Variants in POT1 observed in about 807,000 individuals in gnomAD.
POT1 encodes the protein protection of telomeres protein 1.
In POT1, 47 loss-of-function variants were observed where a neutral mutation model predicts 78.5. The ratio of observed to expected loss-of-function variants is 0.60; its 90% CI spans 0.47 to 0.76. The LOEUF is 0.76. POT1 is among the 30% of genes least tolerant of loss of function. The pLI, the probability that POT1 is intolerant of heterozygous loss-of-function variation, is 0.00. For missense variants in POT1, 646 were observed against 749.9 expected (o/e 0.86, Z 1.62); for synonymous variants, 259 against 260.7 (o/e 0.99, Z 0.06).
At chr7:124,902,547 A>G (rs940525671) in intron 3 of POT1, among the ~76,000 whole-genome samples, 8 of 152,210 alleles carry the variant, frequency 5.3e-5, no homozygotes, top group Non-Finnish European at 1.2e-4. Context: ...GAAAGGAACA[A>G]TTGGTACCAG....
chr7:124,902,789 T>G (rs1217097417), intron 3 of POT1, among the ~76,000 whole-genome samples: 1 of 152,056 alleles, frequency 6.6e-6, no homozygotes, highest in Non-Finnish European at 1.5e-5. Context: ...CCATCTCACA[T>G]GCAGAGACAA....
intron 8 of POT1, among the ~76,000 whole-genome samples, chr7:124,860,952 C>T (rs1413505321): frequency 6.6e-6 from 1 of 152,106 alleles, no homozygotes; most frequent in Non-Finnish European, 1.5e-5. Flanking sequence ...CTTTCTTTGG[C>T]TGCATAGTAT....
intron 3 of POT1, among the ~76,000 whole-genome samples, chr7:124,906,633 G>A (rs1796772760): frequency 6.6e-6 from 1 of 151,892 alleles, no homozygotes; most frequent in African/African-American, 2.4e-5. Flanking sequence ...GAACTTAAAA[G>A]TATAATAAAA....
intron 4 of POT1, 28 bp from the exon 5 acceptor site, chr7:124,897,240 T>C: frequency 9.3e-7 from 1 of 1,071,424 alleles, no homozygotes; most frequent in Non-Finnish European, 1.4e-6. Flanking sequence ...AGAACTTATT[T>C]GTATACAGAT....
At chr7:124,868,634 A>C (rs1018416742) in intron 7 of POT1, among the ~76,000 whole-genome samples, 3 of 151,340 alleles carry the variant, frequency 2.0e-5, no homozygotes, top group African/African-American at 4.8e-5. Flanking sequence ...AAAAAAGGTA[A>C]CTATTAAATG....
In POT1 at chr7:124,840,977, T is replaced by TATCA; in HGVS notation, c.1361_1364dup (p.Glu456AspfsTer8). The TATCA allele has an allele frequency of 6.3e-7, 1 of 1,591,682 alleles. No individual in the cohort carries two copies. Among genetic ancestry groups the TATCA allele is most frequent in the Non-Finnish European group, 8.6e-7 (1 of 1,161,464 alleles). The stretch of plus-strand genomic sequence containing the variant: ...ACAGTGACTTAAATATCTTACCTTC[T>TATCA]ATCAAAAGTAGACATTCATTTGAAA... On this transcript the variant is annotated frameshift_variant, in exon 14 of 19. Transcript: ENST00000357628. LOFTEE classifies it high-confidence loss of function.
chr7:124,861,884 T>G (rs1401857733), intron 8 of POT1, among the ~76,000 whole-genome samples: 13 of 152,194 alleles, frequency 8.5e-5, no homozygotes, highest in Admixed American at 8.5e-4. Flanking sequence ...TGCTTGTTTT[T>G]GTCAGGTTTG....
At chr7:124,870,767 T>C (rs1795847914) in intron 7 of POT1, 144 bp downstream of exon 7, 1 of 527,128 alleles carries the variant, frequency 1.9e-6, no homozygotes, top group Non-Finnish European at 2.9e-6. Context: ...TGAAGTCTGA[T>C]AATATTTACA....
At position 124,825,920 on chromosome 7, in the gene POT1, T is replaced by C. The variant is rs556313393; in HGVS notation, c.1687-563A>G. On this transcript the variant is annotated intron_variant, in intron 17 of 18. Coordinates refer to ENST00000357628, the MANE Select transcript of POT1 (RefSeq NM_015450.3). ...TAACTCAGATCTTTTCCAATCCATG[T>C]AGTAAACATTTTAACTTTACCCTAA... 1.4e-4 allele frequency among the ~76,000 whole-genome samples: 21 copies of C among 152,296 alleles called. 1 individual carries two copies. In the South Asian group the frequency reaches 3.9e-3, roughly 29 times the overall value.
At position 124,822,597 on chromosome 7, in the gene POT1, A is replaced by C; in HGVS notation, c.*1365T>G. The C allele has an allele frequency of 2.2e-6, 1 of 451,184 alleles. No individual in the cohort carries two copies. Among genetic ancestry groups the C allele is most frequent in the African/African-American group, 2.0e-5 (1 of 50,140 alleles). The allele number at this position is 451,184 out of a possible 1,614,324, so 27.9% of individuals were successfully genotyped here. On this transcript the variant is annotated 3_prime_UTR_variant, in exon 19 of 19. Transcript: ENST00000357628. Reference sequence around the variant, plus strand: ...TATTTCACCTTTGTATCCTGAGCACATCATCAACACGGAAACACACCTGTT... The same window carrying C: ...TATTTCACCTTTGTATCCTGAGCACCTCATCAACACGGAAACACACCTGTT...
In POT1 at chr7:124,846,983, G is replaced by A. The variant is rs2116484197; in HGVS notation, c.965C>T (p.Ser322Leu). 4 of 1,605,342 alleles carry A rather than the reference G, an allele frequency of 2.5e-6. No homozygotes were observed. Among genetic ancestry groups the A allele is most frequent in the Non-Finnish European group, 3.4e-6 (4 of 1,172,450 alleles). Residue 322 changes from serine (S) to leucine (L), a missense_variant, in exon 12 of 19, where the codon TCA becomes TTA. Transcript: ENST00000357628. Reference sequence around the variant, plus strand: ...TTGACATCTTTCTACCTCGTATAATGATACTGATCCAGAGCCTATAAAAAG... The same window carrying A: ...TTGACATCTTTCTACCTCGTATAATAATACTGATCCAGAGCCTATAAAAAG... ...DDSFPSSGSV[S>L]LYEVERCQQL...
chr7:124,924,343 T>C (rs190774268), intron 2 of POT1, among the ~76,000 whole-genome samples: 15 of 152,010 alleles, frequency 9.9e-5, no homozygotes, highest in African/African-American at 3.6e-4. Flanking sequence ...GAGACTACTA[T>C]GTATAACTAT....
At chr7:124,921,658 T>C (rs1166190127) in intron 2 of POT1, among the ~76,000 whole-genome samples, 1 of 152,050 alleles carries the variant, frequency 6.6e-6, no homozygotes, top group Non-Finnish European at 1.5e-5. Flanking sequence ...ATATTGGATA[T>C]GGCAGACAAA....
chr7:124,925,223 C>G lies in POT1; in HGVS notation c.-227+3592G>C, dbSNP rs146725340. 5.1e-3 allele frequency among the ~76,000 whole-genome samples: 771 copies of G among 152,066 alleles called. 9 individuals carry two copies. The highest frequency in any genetic ancestry group is 0.017 in the African/African-American group (708 of 41,498). On this transcript the variant is annotated intron_variant, in intron 2 of 18. Transcript: ENST00000357628. ...TTGTATACAGAAAGCCCTCAAGACT[C>G]CACCAAAAATCTCTTAGGTTGGTAA... is the stretch of plus-strand genomic sequence containing the variant.
chr7:124,856,811 G>T (rs1187555989), intron 9 of POT1, among the ~76,000 whole-genome samples: 1 of 152,130 alleles, frequency 6.6e-6, no homozygotes, highest in Admixed American at 6.5e-5. Flanking sequence ...AAAACCTCCA[G>T]AACTGAACTT....
Position 124,877,840 on chromosome 7 carries a change from C to CAAAAAAAAAAA in POT1, c.125-6810_125-6800dup, listed in dbSNP as rs201285982. On this transcript the variant is annotated intron_variant, in intron 6 of 18. Transcript: ENST00000357628. ...TGGGCGACAGAGAGAGATTCTGTCT[C>CAAAAAAAAAAA]AAAAAAAAAAAAAAAAAAAAAAAAA... Among the ~76,000 whole-genome samples, 94 of 80,564 alleles carry CAAAAAAAAAAA rather than the reference C, an allele frequency of 1.2e-3. 9 individuals are homozygous for CAAAAAAAAAAA. The highest frequency in any genetic ancestry group is 2.0e-3 in the Non-Finnish European group (73 of 36,924). 52.9% of individuals were successfully genotyped at this position (80,564 alleles called of 152,430 possible). A position where few individuals can be genotyped will look rare whatever the true frequency, so the allele number is the denominator to read the frequency against.
intron 2 of POT1, among the ~76,000 whole-genome samples, chr7:124,923,072 G>A (rs1266542266): frequency 6.6e-6 from 1 of 151,390 alleles, no homozygotes; most frequent in South Asian, 2.1e-4. Flanking sequence ...TACACTAGAT[G>A]CACAGATATC....
At chr7:124,916,017 T>C (rs565326621) in intron 2 of POT1, among the ~76,000 whole-genome samples, 2 of 152,202 alleles carry the variant, frequency 1.3e-5, no homozygotes, top group South Asian at 2.1e-4. Context: ...TTAATAAAGA[T>C]TTAGAAATGC....
intron 8 of POT1, among the ~76,000 whole-genome samples, chr7:124,860,854 G>A (rs192135934): frequency 4.6e-5 from 7 of 152,050 alleles, no homozygotes; most frequent in Non-Finnish European, 1.0e-4. Context: ...GAGAACATGC[G>A]GTGTTTGGTT....
Sources: allele counts gnomAD v4.1 joint callset (sites outside exome capture counted in the v4.1 genomes callset), GRCh38; gene constraint gnomAD v4.1.1; transcripts MANE v1.5; gene names NCBI Gene and HGNC (gene_info 2026-07-23, HGNC 2026-07-21).